The following SYT2 variants were observed in gnomAD, a reference collection of about 807,000 sequenced individuals.
SYT2 encodes the protein synaptotagmin 2, also known as synaptotagmin-2.
A neutral mutation model predicts 39.9 loss-of-function variants in SYT2; 15 were observed. That is an observed-to-expected ratio of 0.38 (90% CI 0.25 to 0.58). The LOEUF (loss-of-function observed/expected upper bound fraction) is 0.58. Ranked by LOEUF, SYT2 falls within the 20% of genes least tolerant of loss-of-function variation. SYT2 has a pLI of 0.70. For synonymous variants in SYT2, 181 were observed against 204.5 expected (o/e 0.89, Z 0.98); for missense variants, 389 against 530.3 (o/e 0.73, Z 2.62).
chr1:202,704,165 C>T (rs1206380464), intron 1 of SYT2, among the ~76,000 whole-genome samples: 2 of 152,142 alleles, frequency 1.3e-5, no homozygotes, highest in Non-Finnish European at 2.9e-5. Flanking sequence ...TTGAGGAAAG[C>T]CTTGTGTTGA....
intron 8 of SYT2, among the ~76,000 whole-genome samples, chr1:202,598,988 G>A (rs1014277958): frequency 1.3e-5 from 2 of 152,100 alleles, no homozygotes. Context: ...AGTCCTAAAC[G>A]AATGATTTGC....
chr1:202,623,206 G>A lies in SYT2; in HGVS notation c.-17-17417C>T, dbSNP rs1293698167. Among the ~76,000 whole-genome samples, 2 of 152,204 alleles carry A rather than the reference G, an allele frequency of 1.3e-5. No individual in the cohort carries two copies. Among genetic ancestry groups the A allele is most frequent in the Non-Finnish European group, 2.9e-5 (2 of 68,034 alleles). ...AACTTGAAACAGGACAGAGAAGCCC[G>A]CCATCCCCATGGGAGAGGAGCTGGA... On this transcript the variant is annotated intron_variant, in intron 1 of 8. Coordinates refer to ENST00000367268, the MANE Select transcript of SYT2 (RefSeq NM_177402.5). The surrounding 1 kb of genome is among the most constrained non-coding windows in gnomAD (Gnocchi z 4.2).
chr1:202,655,355 A>G (rs1337959935), intron 1 of SYT2, among the ~76,000 whole-genome samples: 2 of 152,044 alleles, frequency 1.3e-5, no homozygotes, highest in Non-Finnish European at 2.9e-5. Context: ...TCATTTTTAC[A>G]ATGTCATTGT....
chr1:202,633,193 C>A (rs56262716), intron 1 of SYT2, among the ~76,000 whole-genome samples: 1 of 152,180 alleles, frequency 6.6e-6, no homozygotes, highest in South Asian at 2.1e-4. Flanking sequence ...AGCTCAAATA[C>A]TGATCCCTAT....
At chr1:202,633,235 G>A (rs1358324066) in intron 1 of SYT2, among the ~76,000 whole-genome samples, 2 of 152,028 alleles carry the variant, frequency 1.3e-5, no homozygotes, top group African/African-American at 4.8e-5. Context: ...GGCACCCACT[G>A]GGTGCCCAGC....
chr1:202,643,595 C>A (rs1239015105), intron 1 of SYT2: 3 of 152,306 alleles, frequency 2.0e-5, no homozygotes, highest in Non-Finnish European at 4.4e-5. Context: ...GACGCAGGGC[C>A]CCCGCCCCAG....
intron 2 of SYT2, among the ~76,000 whole-genome samples, 197 bp from the exon 3 acceptor site, chr1:202,604,818 C>CTTTTTTTTTTT (rs59944538): frequency 1.4e-5 from 1 of 71,666 alleles, no homozygotes; most frequent in African/African-American, 5.4e-5. Context: ...TCATGCCTTG[C>CTTTTTTTTTTT]TTTTTTTTTT....
At chr1:202,694,001 C>A (rs960682705) in intron 1 of SYT2, among the ~76,000 whole-genome samples, 5 of 152,170 alleles carry the variant, frequency 3.3e-5, no homozygotes, top group Admixed American at 2.6e-4. Context: ...CACTTTTAAA[C>A]ATCCAGATCT....
chr1:202,613,422 TGTGTGTGCTG>T (rs1339154299), intron 1 of SYT2, among the ~76,000 whole-genome samples: 7 of 152,028 alleles, frequency 4.6e-5, no homozygotes, highest in Non-Finnish European at 8.8e-5. Flanking sequence ...TGTGCATGTG[TGTGTGTGCTG>T]GTGGAGTCCT....
In SYT2 at chr1:202,590,607, T is replaced by A. The variant is rs1314776267; in HGVS notation, c.*6150A>T. The A allele has an allele frequency of 6.7e-6, 1 of 148,628 alleles. No individual in the cohort carries two copies. The highest frequency in any genetic ancestry group is 1.5e-5 in the Non-Finnish European group (1 of 67,480). The allele number at this position is 148,628 out of a possible 1,614,324, so 9.2% of individuals were successfully genotyped here. ...CCCCCACCCCCAGGTTTCTTTCAGC[T>A]CATTTCTTTAATAAGGAGACGCAGT... On this transcript the variant is annotated 3_prime_UTR_variant, in exon 9 of 9. Coordinates refer to ENST00000367268, the MANE Select transcript of SYT2 (RefSeq NM_177402.5).
At chr1:202,654,827 G>A (rs750116267) in intron 1 of SYT2, among the ~76,000 whole-genome samples, 1 of 152,208 alleles carries the variant, frequency 6.6e-6, no homozygotes, top group African/African-American at 2.4e-5. Context: ...GGTGGGAAGT[G>A]TATTCCAGGC....
At chr1:202,629,434 T>TTCAAGTTCTCATTTGTGGGTA (rs894477962) in intron 1 of SYT2, among the ~76,000 whole-genome samples, 3 of 152,234 alleles carry the variant, frequency 2.0e-5, no homozygotes, top group Non-Finnish European at 4.4e-5. Context: ...TGCTCAAGCT[T>TTCAAGTTCTCATTTGTGGGTA]TCAAGTTCTC....
At chr1:202,671,403 T>G (rs766605902) in intron 1 of SYT2, among the ~76,000 whole-genome samples, 1 of 152,204 alleles carries the variant, frequency 6.6e-6, no homozygotes, top group Non-Finnish European at 1.5e-5. Context: ...GCGAGGGAAT[T>G]TAGGCCGTCA....
intron 1 of SYT2, among the ~76,000 whole-genome samples, chr1:202,606,396 C>T (rs1690708421): frequency 6.6e-6 from 1 of 152,108 alleles, no homozygotes; most frequent in Admixed American, 6.5e-5. Flanking sequence ...ACACTGAGGG[C>T]TCCTCTTTCA....
chr1:202,651,619 G>A (rs767262867), intron 1 of SYT2, among the ~76,000 whole-genome samples: 22 of 152,070 alleles, frequency 1.4e-4, no homozygotes, highest in Middle Eastern at 3.2e-3. Flanking sequence ...TTTCCACCTC[G>A]GCACATTCCT....
At position 202,598,395 on chromosome 1, in the gene SYT2, G is replaced by A. The variant is rs1572606037; in HGVS notation, c.1053+823C>T. Among the ~76,000 whole-genome samples the A allele has an allele frequency of 1.3e-5, 2 of 152,278 alleles. 1 individual carries two copies. Among genetic ancestry groups the A allele is most frequent in the Admixed American group, 1.3e-4 (2 of 15,296 alleles). Reference sequence around the variant, plus strand: ...ATTCTCTGTAATGAGGACTTCTCTTGGATTAACATTATCACTGAGCTGCCC... The same window carrying A: ...ATTCTCTGTAATGAGGACTTCTCTTAGATTAACATTATCACTGAGCTGCCC... On this transcript the variant is annotated intron_variant, in intron 8 of 8. Transcript: ENST00000367268.
intron 1 of SYT2, among the ~76,000 whole-genome samples, chr1:202,644,567 G>A (rs1398698048): frequency 1.1e-4 from 17 of 151,938 alleles, no homozygotes; most frequent in Admixed American, 7.9e-4. Flanking sequence ...CCCCATCCTC[G>A]CCCTCTCCCC....
intron 1 of SYT2, among the ~76,000 whole-genome samples, chr1:202,695,335 C>G (rs1321772180): frequency 6.6e-6 from 1 of 152,172 alleles, no homozygotes; most frequent in Admixed American, 6.5e-5. Flanking sequence ...ATAACTGCCT[C>G]AGGGCCTCCT....
chr1:202,672,270 C>T (rs908873233), intron 1 of SYT2, among the ~76,000 whole-genome samples: 2 of 152,152 alleles, frequency 1.3e-5, no homozygotes, highest in African/African-American at 4.8e-5. Flanking sequence ...TTCGTTTAAC[C>T]CCCAGTGTGA....
Sources: allele counts gnomAD v4.1 joint callset (sites outside exome capture counted in the v4.1 genomes callset), GRCh38; gene constraint gnomAD v4.1.1; non-coding constraint Gnocchi (gnomAD v3.1); transcripts MANE v1.5; gene names NCBI Gene and HGNC (gene_info 2026-07-23, HGNC 2026-07-21).